Variants in CDH12 observed in about 807,000 individuals in gnomAD.
CDH12 encodes the protein cadherin-12.
A neutral mutation model predicts 74.1 loss-of-function variants in CDH12; 41 were observed. The ratio of observed to expected loss-of-function variants is 0.55; its 90% CI spans 0.43 to 0.72. The LOEUF (loss-of-function observed/expected upper bound fraction) is 0.72. CDH12 is among the 30% of genes least tolerant of loss of function. CDH12 has a pLI of 0.00. For synonymous variants in CDH12, 399 were observed against 355.0 expected (o/e 1.12, Z -1.39); for missense variants, 945 against 977.2 (o/e 0.97, Z 0.44).
At chr5:22,244,786 AAGAAAG>A (rs1269894047) in intron 3 of CDH12, among the ~76,000 whole-genome samples, 1 of 133,726 alleles carries the variant, frequency 7.5e-6, no homozygotes, top group Non-Finnish European at 1.7e-5. Flanking sequence ...GAAAGAAAGA[AAGAAAG>A]AAAGAAAGAA....
chr5:22,063,329 T>C (rs1186392863), intron 5 of CDH12, among the ~76,000 whole-genome samples: 2 of 152,274 alleles, frequency 1.3e-5, no homozygotes, highest in East Asian at 3.9e-4. Flanking sequence ...CATTAGTGTT[T>C]GTAGTTTCAT....
intron 1 of CDH12, among the ~76,000 whole-genome samples, chr5:22,798,166 C>T (rs892176278): frequency 6.6e-6 from 1 of 152,152 alleles, no homozygotes; most frequent in African/African-American, 2.4e-5. Flanking sequence ...TTATAATGTA[C>T]TATCTAGTTC....
chr5:22,091,518 C>T (rs72742003), intron 4 of CDH12, among the ~76,000 whole-genome samples: 3,351 of 151,742 alleles, frequency 0.022, 62 homozygotes, highest in Middle Eastern at 0.086. Flanking sequence ...GTGAAAAATG[C>T]ATATGCTGAA....
At chr5:22,663,793 T>C (rs1309017420) in intron 1 of CDH12, among the ~76,000 whole-genome samples, 1 of 149,826 alleles carries the variant, frequency 6.7e-6, no homozygotes, top group Non-Finnish European at 1.5e-5. Context: ...GGATGATACA[T>C]AATGAGCCAT....
At chr5:22,083,734 G>T (rs557282685) in intron 4 of CDH12, among the ~76,000 whole-genome samples, 1 of 152,110 alleles carries the variant, frequency 6.6e-6, no homozygotes, top group East Asian at 1.9e-4. Flanking sequence ...CTTGAATCTG[G>T]GCAGTCTGAC....
At chr5:22,769,907 C>A (rs1746719841) in intron 1 of CDH12, among the ~76,000 whole-genome samples, 1 of 152,054 alleles carries the variant, frequency 6.6e-6, no homozygotes, top group Non-Finnish European at 1.5e-5. Context: ...AATCCAAACT[C>A]AAAGCCAGTG....
intron 6 of CDH12, among the ~76,000 whole-genome samples, chr5:21,866,042 C>G (rs540220547): frequency 1.3e-5 from 2 of 152,244 alleles, no homozygotes; most frequent in South Asian, 4.2e-4. Context: ...TGAAGGGAAA[C>G]CTCTTTCACT....
chr5:22,525,889 G>A (rs1199383807), intron 1 of CDH12, among the ~76,000 whole-genome samples: 1 of 152,148 alleles, frequency 6.6e-6, no homozygotes, highest in Non-Finnish European at 1.5e-5. Context: ...AGAATATAGT[G>A]AGGATTACCA....
At position 22,598,442 on chromosome 5, in the gene CDH12, T is replaced by G. The variant is rs1736702222; in HGVS notation, c.-522-93078A>C. Among the ~76,000 whole-genome samples the G allele has an allele frequency of 3.9e-5, 6 of 152,230 alleles. No homozygotes were observed. In the South Asian group the frequency reaches 1.2e-3, roughly 32 times the overall value. On this transcript the variant is annotated intron_variant, in intron 1 of 14. Transcript: ENST00000382254. ...TCCTTCACTCGGCGCTCACTCTCTA[T>G]CCTGCAGCCCTGTGATGAGGTGCCT... is the stretch of plus-strand genomic sequence containing the variant.
At chr5:22,678,588 C>A (rs896435644) in intron 1 of CDH12, among the ~76,000 whole-genome samples, 1 of 152,018 alleles carries the variant, frequency 6.6e-6, no homozygotes, top group Non-Finnish European at 1.5e-5. Context: ...AGAAAATGTA[C>A]TTTGCGGCCA....
At chr5:22,411,289 T>A (rs1042312905) in intron 2 of CDH12, among the ~76,000 whole-genome samples, 2 of 152,008 alleles carry the variant, frequency 1.3e-5, no homozygotes, top group African/African-American at 2.4e-5. Context: ...AGGGACTGTA[T>A]AGTATTGCTA....
chr5:21,877,023 C>T, intron 6 of CDH12, among the ~76,000 whole-genome samples: 1 of 152,122 alleles, frequency 6.6e-6, no homozygotes, highest in East Asian at 1.9e-4. Context: ...GCCAACATGG[C>T]AAAACCCTAC....
chr5:21,794,946 T>G (rs1746699202), intron 10 of CDH12, among the ~76,000 whole-genome samples: 1 of 151,676 alleles, frequency 6.6e-6, no homozygotes, highest in African/African-American at 2.4e-5. Context: ...ACTTTTATTT[T>G]TCATGGCATG....
At chr5:22,439,424 A>T (rs1371017557) in intron 2 of CDH12, among the ~76,000 whole-genome samples, 1 of 152,106 alleles carries the variant, frequency 6.6e-6, no homozygotes, top group Non-Finnish European at 1.5e-5. Context: ...CATAAATGTC[A>T]CCAATTTCTA....
chr5:21,907,726 C>T (rs1032553514), intron 6 of CDH12, among the ~76,000 whole-genome samples: 1 of 152,168 alleles, frequency 6.6e-6, no homozygotes, highest in East Asian at 1.9e-4. Flanking sequence ...TGCTGCTCTA[C>T]CTGGCTTGGA....
chr5:22,144,766 A>T (rs1747046397), intron 4 of CDH12, among the ~76,000 whole-genome samples: 1 of 152,114 alleles, frequency 6.6e-6, no homozygotes, highest in African/African-American at 2.4e-5. Flanking sequence ...AAATTAAAAT[A>T]AAAAATTAAA....
chr5:21,833,050 ATT>A (rs1328229662), intron 8 of CDH12, among the ~76,000 whole-genome samples: 12 of 85,462 alleles, frequency 1.4e-4, no homozygotes, highest in Non-Finnish European at 2.3e-4. Flanking sequence ...TATAATATAT[ATT>A]ATATGTTATA....
chr5:22,256,781 A>G (rs1488211103), intron 3 of CDH12, among the ~76,000 whole-genome samples: 1 of 152,152 alleles, frequency 6.6e-6, no homozygotes, highest in Non-Finnish European at 1.5e-5. Context: ...AAAACAGTTT[A>G]GAAAGTAAAA....
intron 3 of CDH12, among the ~76,000 whole-genome samples, chr5:22,360,159 A>G (rs1345281779): frequency 6.6e-6 from 1 of 152,208 alleles, no homozygotes; most frequent in Non-Finnish European, 1.5e-5. Context: ...TTTTGAAAGG[A>G]TCAACAAAAT....
Sources: gnomAD v4.1 joint callset for allele counts (sites outside exome capture counted in the v4.1 genomes callset) on GRCh38, gnomAD v4.1.1 for gene constraint, MANE v1.5 for transcripts, NCBI Gene and HGNC (gene_info 2026-07-23, HGNC 2026-07-21) for gene names.